Variants in CFAP206 observed in about 807,000 individuals in gnomAD.
CFAP206 encodes the protein cilia- and flagella-associated protein 206.
Under a neutral mutation model 65.4 loss-of-function variants are expected in CFAP206, and 53 were observed. That is an observed-to-expected ratio of 0.81 (90% CI 0.65 to 1.02). The LOEUF (loss-of-function observed/expected upper bound fraction) is 1.02, where lower values mean the gene tolerates loss of function less well. Among genes scored for constraint, CFAP206 ranks in the 50% least tolerant of loss-of-function variants. CFAP206 has a pLI of 0.00. For synonymous variants in CFAP206, 250 were observed against 254.4 expected (o/e 0.98, Z 0.17); for missense variants, 663 against 753.2 (o/e 0.88, Z 1.40).
chr6:87,426,398 G>T, intron 7 of CFAP206, 128 bp from the exon 8 acceptor site: 1 of 573,676 alleles, frequency 1.7e-6, no homozygotes, highest in African/African-American at 1.9e-5. Flanking sequence ...GGATCTTGCG[G>T]AGAACAGACT....
chr6:87,438,844 C>T (rs761037906), intron 11 of CFAP206, among the ~76,000 whole-genome samples: 1 of 152,076 alleles, frequency 6.6e-6, no homozygotes, highest in Non-Finnish European at 1.5e-5. Context: ...TTTCCTAACA[C>T]GATTTACTAA....
Position 87,408,082 on chromosome 6 carries a change from C to A in CFAP206, c.-13C>A. 2.0e-6 allele frequency: 2 copies of A among 985,398 alleles called. No homozygotes were observed. The highest frequency in any genetic ancestry group is 2.4e-6 in the Non-Finnish European group (2 of 829,904). 61.0% of individuals were successfully genotyped at this position (985,398 alleles called of 1,614,324 possible). A position where few individuals can be genotyped will look rare whatever the true frequency, so the allele number is the denominator to read the frequency against. Reference sequence around the variant, plus strand: ...CAGACACGGCTCCTGCTGTCGATTCCGATCCAGGTCAGCCTACTCGGGGCT... The same window carrying A: ...CAGACACGGCTCCTGCTGTCGATTCAGATCCAGGTCAGCCTACTCGGGGCT... On this transcript the variant is annotated 5_prime_UTR_variant, in exon 1 of 13. Coordinates refer to ENST00000369562, the MANE Select transcript of CFAP206 (RefSeq NM_001031743.3).
chr6:87,451,126 G>C (rs1562009908), intron 11 of CFAP206, among the ~76,000 whole-genome samples: 2 of 152,202 alleles, frequency 1.3e-5, no homozygotes, highest in African/African-American at 4.8e-5. Context: ...AGGCCACACA[G>C]ACTACAGTTC....
rs563842872 is a variant in CFAP206 at position 87,423,743 on chromosome 6, A to G, written c.841-2783A>G. Among the ~76,000 whole-genome samples, 8 of 152,334 alleles carry G rather than the reference A, an allele frequency of 5.3e-5. No homozygotes were observed. In the East Asian group the frequency reaches 1.5e-3, roughly 29 times the overall value. On this transcript the variant is annotated intron_variant, in intron 7 of 12. Transcript: ENST00000369562. ...CAAGCAAGGGGGAAAAAACTCTATG[A>G]GGGTAGACAAGAGACCTATTTGATA...
chr6:87,446,934 T>C (rs1768452366), intron 11 of CFAP206, among the ~76,000 whole-genome samples: 1 of 152,188 alleles, frequency 6.6e-6, no homozygotes, highest in Non-Finnish European at 1.5e-5. Flanking sequence ...TATTTCCAGG[T>C]ATTTTATTCT....
At chr6:87,409,700 C>T in intron 1 of CFAP206, 135 bp from the exon 2 acceptor site, 1 of 595,982 alleles carries the variant, frequency 1.7e-6, no homozygotes, top group South Asian at 2.0e-5. Context: ...GGCCTAGATA[C>T]TAATAAAAAT....
chr6:87,444,724 G>T, intron 11 of CFAP206: 3 of 360,780 alleles, frequency 8.3e-6, no homozygotes, highest in South Asian at 4.8e-5. Context: ...TTCTTTGATC[G>T]CTCACTCTTC....
intron 9 of CFAP206, 99 bp downstream of exon 9, chr6:87,428,923 A>T: frequency 8.4e-7 from 1 of 1,191,694 alleles, no homozygotes; most frequent in Non-Finnish European, 1.2e-6. Context: ...CTGATAAAGC[A>T]TTAAACATTT....
chr6:87,439,467 C>A (rs1295369665), intron 11 of CFAP206, among the ~76,000 whole-genome samples: 1 of 151,784 alleles, frequency 6.6e-6, no homozygotes, highest in East Asian at 1.9e-4. Flanking sequence ...CTTATGAATT[C>A]TTTGTTAAAT....
intron 11 of CFAP206, chr6:87,441,223 G>T (rs1768355866): frequency 3.7e-6 from 1 of 269,568 alleles, no homozygotes; most frequent in South Asian, 8.5e-5. Flanking sequence ...TGTAATCATT[G>T]AACATAGTAC....
intron 11 of CFAP206, among the ~76,000 whole-genome samples, chr6:87,456,133 A>G (rs898974098): frequency 5.9e-5 from 9 of 152,204 alleles, no homozygotes; most frequent in African/African-American, 1.7e-4. Flanking sequence ...ACTGAATTCA[A>G]CAACACATTA....
intron 11 of CFAP206, among the ~76,000 whole-genome samples, chr6:87,458,578 A>C (rs1036589586): frequency 6.6e-6 from 1 of 152,284 alleles, no homozygotes; most frequent in African/African-American, 2.4e-5. Flanking sequence ...GACAAACTTC[A>C]TATGTCCTCG....
intron 6 of CFAP206, 132 bp from the exon 7 acceptor site, chr6:87,418,076 C>T: frequency 1.3e-6 from 1 of 780,666 alleles, no homozygotes; most frequent in Non-Finnish European, 2.1e-6. Context: ...GAAACACATG[C>T]CTCATTATTA....
At position 87,461,156 on chromosome 6, in the gene CFAP206, T is replaced by C; in HGVS notation, c.1629T>C (p.Ala543=). The part of the protein sequence containing the change: ...EWNEWELRRK[A]IKLANLRQKV... The stretch of plus-strand genomic sequence containing the variant: ...ATGAATGGGAATTAAGAAGAAAAGC[T>C]ATAAAATTGGTTTGTAACAATACTT... The change falls in exon 12 of 13, where the codon GCT becomes GCC. Residue 543 remains alanine, a synonymous_variant. Transcript: ENST00000369562. 1 of 1,553,694 alleles carries C rather than the reference T, an allele frequency of 6.4e-7. No homozygotes were observed.
chr6:87,411,809 G>T (rs558221152), intron 3 of CFAP206, among the ~76,000 whole-genome samples: 1 of 152,318 alleles, frequency 6.6e-6, no homozygotes, highest in South Asian at 2.1e-4. Flanking sequence ...CTTTGTCAAA[G>T]ATCACCTGAC....
rs558205588 is a variant in CFAP206, at chr6:87,434,508, T to C, written c.1301-352T>C. 8.8e-4 allele frequency among the ~76,000 whole-genome samples: 132 copies of C among 150,054 alleles called. 1 individual carries two copies. The South Asian group carries it at 0.022, about 25-fold the overall frequency. On this transcript the variant is annotated intron_variant, in intron 10 of 12. Transcript: ENST00000369562. The stretch of plus-strand genomic sequence containing the variant: ...AATATTTCTTTTTCTTTTTCTTTTT[T>C]TTTTTTTTTGAGACAGTCTTGCTCT...
chr6:87,414,245 A>G (rs576109113), intron 4 of CFAP206, among the ~76,000 whole-genome samples: 2 of 152,340 alleles, frequency 1.3e-5, no homozygotes, highest in Non-Finnish European at 2.9e-5. Context: ...TACCTAAATT[A>G]TGTAACTATT....
At chr6:87,423,210 C>T (rs950051655) in intron 7 of CFAP206, among the ~76,000 whole-genome samples, 3 of 149,016 alleles carry the variant, frequency 2.0e-5, no homozygotes, top group Admixed American at 6.7e-5. Context: ...TGAGCCACTG[C>T]GCCCAGCCTT....
chr6:87,422,215 G>A (rs1007827682), intron 7 of CFAP206, among the ~76,000 whole-genome samples: 1 of 152,020 alleles, frequency 6.6e-6, no homozygotes, highest in Non-Finnish European at 1.5e-5. Context: ...TTGGGAGGCC[G>A]AGGCAGGCGG....
Sources: gnomAD v4.1 joint callset for allele counts (sites outside exome capture counted in the v4.1 genomes callset) on GRCh38, gnomAD v4.1.1 for gene constraint, MANE v1.5 for transcripts, NCBI Gene and HGNC (gene_info 2026-07-23, HGNC 2026-07-21) for gene names.